The following IL20RB variants were observed in gnomAD, a reference collection of about 807,000 sequenced individuals.
IL20RB encodes interleukin 20 receptor subunit beta.
IL20RB carries 21 observed loss-of-function variants against 33.3 expected under a neutral mutation model. The observed-to-expected ratio is 0.63, with a 90% CI of 0.45 to 0.91. The LOEUF (loss-of-function observed/expected upper bound fraction) is 0.91, where lower values mean the gene tolerates loss of function less well. Ranked by LOEUF, IL20RB falls within the 40% of genes least tolerant of loss-of-function variation. The probability of loss-of-function intolerance (pLI) is 0.00; values close to 1 mark genes in which losing one functional copy is unlikely to be tolerated. For synonymous variants in IL20RB, 147 were observed against 146.8 expected, an observed-to-expected ratio of 1.00 and a Z score of -0.01; for missense variants, 345 against 384.8, an observed-to-expected ratio of 0.90 and a Z score of 0.86.
chr3:136,969,687 G>T (rs1234515237), intron 1 of IL20RB, among the ~76,000 whole-genome samples: 1 of 152,098 alleles, frequency 6.6e-6, no homozygotes, highest in South Asian at 2.1e-4. Context: ...GCTGTAGACC[G>T]GAGCTGTTCA....
intron 5 of IL20RB, among the ~76,000 whole-genome samples, chr3:136,994,245 TA>T: frequency 6.6e-6 from 1 of 152,176 alleles, no homozygotes; most frequent in Admixed American, 6.5e-5. Flanking sequence ...AACAATAACC[TA>T]ATTGTATATT....
intron 2 of IL20RB, among the ~76,000 whole-genome samples, chr3:136,981,352 G>A (rs1206303196): frequency 6.6e-6 from 1 of 152,078 alleles, no homozygotes; most frequent in East Asian, 1.9e-4. Context: ...ATAGCCACAT[G>A]TGGCCAGTGG....
chr3:136,989,276 C>G (rs1941977057), intron 3 of IL20RB, among the ~76,000 whole-genome samples, 165 bp from the exon 4 acceptor site: 1 of 152,226 alleles, frequency 6.6e-6, no homozygotes, highest in South Asian at 2.1e-4. Flanking sequence ...CTGCTGCATA[C>G]AGGAGAGTAT....
In IL20RB at chr3:136,999,240, GC is replaced by G. The variant is rs199984288; in HGVS notation, c.825+3685del. Among the ~76,000 whole-genome samples the G allele has an allele frequency of 9.7e-4, 148 of 152,184 alleles. 4 individuals carry two copies. The East Asian group carries it at 0.027, about 28-fold the overall frequency. On this transcript the variant is annotated intron_variant, in intron 6 of 6. Coordinates refer to ENST00000329582, the MANE Select transcript of IL20RB (RefSeq NM_144717.4). ...GCCTCTTGAGTAGTTGGGACTACAAGCATGTGACAGAGCAACCAGCTAATTT... is the reference window on the plus strand; with the variant it reads ...GCCTCTTGAGTAGTTGGGACTACAAGATGTGACAGAGCAACCAGCTAATTT...
At chr3:136,977,125 G>A (rs1258295686) in intron 1 of IL20RB, among the ~76,000 whole-genome samples, 5 of 152,182 alleles carry the variant, frequency 3.3e-5, no homozygotes, top group Non-Finnish European at 7.3e-5. Flanking sequence ...TGTATTCAAA[G>A]TGTGACTGTA....
intron 6 of IL20RB, among the ~76,000 whole-genome samples, 199 bp from the exon 7 acceptor site, chr3:137,009,914 A>G (rs553238024): frequency 2.0e-5 from 3 of 152,214 alleles, no homozygotes; most frequent in Admixed American, 6.5e-5. Flanking sequence ...CAGGGCTTCA[A>G]GGGAACTGTA....
chr3:136,994,791 C>A (rs1291773870), intron 5 of IL20RB, among the ~76,000 whole-genome samples: 1 of 152,182 alleles, frequency 6.6e-6, no homozygotes, highest in African/African-American at 2.4e-5. Context: ...CTTAACCATT[C>A]TGAGCATAGA....
intron 2 of IL20RB, among the ~76,000 whole-genome samples, chr3:136,981,549 G>A (rs539598202): frequency 2.6e-5 from 4 of 152,284 alleles, no homozygotes; most frequent in African/African-American, 9.6e-5. Context: ...TCTCTGAGGA[G>A]GTGATATTTA....
intron 5 of IL20RB, among the ~76,000 whole-genome samples, chr3:136,994,609 A>G (rs947031378): frequency 6.6e-6 from 1 of 152,170 alleles, no homozygotes; most frequent in Non-Finnish European, 1.5e-5. Flanking sequence ...AGCCTGGCCC[A>G]GAGAGGCTAA....
chr3:136,981,814 T>G (rs1393194691), intron 2 of IL20RB, among the ~76,000 whole-genome samples: 1 of 152,140 alleles, frequency 6.6e-6, no homozygotes, highest in Non-Finnish European at 1.5e-5. Context: ...AACGTCACAA[T>G]CTGCTGAGTG....
chr3:137,005,666 AT>A (rs1365288624), intron 6 of IL20RB, among the ~76,000 whole-genome samples: 1 of 152,014 alleles, frequency 6.6e-6, no homozygotes, highest in African/African-American at 2.4e-5. Context: ...GCATCTTTGC[AT>A]GTCAGATGGG....
chr3:136,969,670 G>A (rs1484460151), intron 1 of IL20RB, among the ~76,000 whole-genome samples: 2 of 151,950 alleles, frequency 1.3e-5, no homozygotes, highest in Non-Finnish European at 2.9e-5. Context: ...CGTCGCTCAC[G>A]CTGGGAGCTG....
intron 6 of IL20RB, among the ~76,000 whole-genome samples, chr3:137,006,279 T>G (rs891582129): frequency 2.0e-5 from 3 of 152,188 alleles, no homozygotes; most frequent in African/African-American, 7.2e-5. Context: ...CTTTGTGGTG[T>G]TCTCTGTATT....
chr3:136,988,191 C>G (rs2108206231), intron 3 of IL20RB, among the ~76,000 whole-genome samples: 1 of 152,276 alleles, frequency 6.6e-6, no homozygotes. Flanking sequence ...CAGAACATGC[C>G]CCACCCCTTT....
chr3:137,002,343 T>C (rs1009038239), intron 6 of IL20RB, among the ~76,000 whole-genome samples: 1 of 152,226 alleles, frequency 6.6e-6, no homozygotes, highest in Non-Finnish European at 1.5e-5. Context: ...CCTTGAGGAA[T>C]TGCCACACTG....
intron 1 of IL20RB, among the ~76,000 whole-genome samples, chr3:136,969,748 C>T (rs1241361648): frequency 6.6e-6 from 1 of 152,156 alleles, no homozygotes; most frequent in East Asian, 1.9e-4. Flanking sequence ...TCTCTAGATA[C>T]TAGTTCTTTG....
chr3:136,984,952 A>G (rs1218660339), intron 3 of IL20RB, among the ~76,000 whole-genome samples: 1 of 152,160 alleles, frequency 6.6e-6, no homozygotes, highest in Non-Finnish European at 1.5e-5. Context: ...TCCTAAGAGC[A>G]TGGGGATCCA....
intron 5 of IL20RB, among the ~76,000 whole-genome samples, chr3:136,994,256 T>G (rs1302654512): frequency 6.6e-6 from 1 of 152,172 alleles, no homozygotes; most frequent in East Asian, 1.9e-4. Context: ...AATTGTATAT[T>G]TTAACATAAC....
At position 137,010,196 on chromosome 3, in the gene IL20RB, G is replaced by A; in HGVS notation, c.909G>A (p.Glu303=). ...GTGCCACGGCTGTGATGTCTCCTGA[G>A]GAACTCCTCAGGGCCTGGATCTCAT... ...DACATAVMSP[E]ELLRAWIS Residue 303 remains glutamate, a synonymous_variant, in exon 7 of 7, where the codon GAG becomes GAA. Coordinates refer to ENST00000329582, the MANE Select transcript of IL20RB (RefSeq NM_144717.4). The A allele has an allele frequency of 6.3e-7, 1 of 1,595,508 alleles. No individual in the cohort carries two copies. Among genetic ancestry groups the A allele is most frequent in the Admixed American group, 1.7e-5 (1 of 60,004 alleles).
Sources: allele counts gnomAD v4.1 joint callset (sites outside exome capture counted in the v4.1 genomes callset), GRCh38; gene constraint gnomAD v4.1.1; transcripts MANE v1.5; gene names NCBI Gene and HGNC (gene_info 2026-07-23, HGNC 2026-07-21).